Variants in FKBP9 observed in about 807,000 individuals in gnomAD.
The protein encoded by FKBP9 is peptidyl-prolyl cis-trans isomerase FKBP9.
In FKBP9, 27 loss-of-function variants were observed where a neutral mutation model predicts 55.6. The observed-to-expected ratio is 0.49, with a 90% CI of 0.36 to 0.67. FKBP9 has a LOEUF of 0.67. FKBP9 is among the 30% of genes least tolerant of loss of function. FKBP9 has a pLI of 0.00. For missense variants in FKBP9, 539 were observed against 742.8 expected (o/e 0.73, Z 3.19); for synonymous variants, 267 against 296.5 (o/e 0.90, Z 1.02).
At chr7:32,999,291 G>T (rs909756581) in intron 7 of FKBP9, among the ~76,000 whole-genome samples, 4 of 152,098 alleles carry the variant, frequency 2.6e-5, no homozygotes, top group African/African-American at 9.7e-5. Flanking sequence ...CATCAAGGGG[G>T]GTCAGGGGGC....
intron 3 of FKBP9, among the ~76,000 whole-genome samples, chr7:32,975,709 C>T (rs1260032668): frequency 5.3e-5 from 8 of 151,324 alleles, no homozygotes; most frequent in African/African-American, 9.7e-5. Flanking sequence ...TACAGTGGCA[C>T]GATCTTGGCT....
At chr7:32,998,291 T>A (rs926010121) in intron 7 of FKBP9, among the ~76,000 whole-genome samples, 2 of 152,126 alleles carry the variant, frequency 1.3e-5, no homozygotes, top group African/African-American at 2.4e-5. Context: ...TCACTGCTCC[T>A]GCTGATGTTC....
At chr7:32,996,603 A>G (rs898588651) in intron 7 of FKBP9, among the ~76,000 whole-genome samples, 6 of 108,150 alleles carry the variant, frequency 5.5e-5, no homozygotes, top group African/African-American at 2.0e-4. Flanking sequence ...TATAACTGCT[A>G]TCTTTCCTTC....
chr7:32,972,304 C>T (rs1441061403), intron 1 of FKBP9, among the ~76,000 whole-genome samples: 1 of 152,056 alleles, frequency 6.6e-6, no homozygotes, highest in Non-Finnish European at 1.5e-5. Context: ...ATCTTGCTTT[C>T]TGTTCACTGA....
chr7:32,975,249 A>G lies in FKBP9; in HGVS notation c.435A>G (p.Glu145=), dbSNP rs776391325. The G allele has an allele frequency of 1.9e-6, 3 of 1,613,848 alleles. No individual in the cohort carries two copies. In the South Asian group the frequency reaches 3.3e-5, roughly 18 times the overall value. ...DVLLMDIWNS[E]DQVQIHTYFK... is the part of the protein sequence containing the mutation. Reference sequence around the variant, plus strand: ...TTCTGATGGATATTTGGAATTCTGAAGACCAGGTTCAGATTCACACCTATT... The same window carrying G: ...TTCTGATGGATATTTGGAATTCTGAGGACCAGGTTCAGATTCACACCTATT... Residue 145 remains glutamate (E), a synonymous_variant, in exon 3 of 10, where the codon GAA becomes GAG. Coordinates refer to ENST00000242209, the MANE Select transcript of FKBP9 (RefSeq NM_007270.5).
chr7:32,983,816 T>C (rs1455507504), intron 5 of FKBP9, among the ~76,000 whole-genome samples: 4 of 152,230 alleles, frequency 2.6e-5, no homozygotes, highest in Admixed American at 6.5e-5. Context: ...GCTATTGGGA[T>C]TGAAATTCCT....
intron 1 of FKBP9, among the ~76,000 whole-genome samples, chr7:32,966,755 T>C (rs1451178943): frequency 1.3e-5 from 2 of 152,014 alleles, no homozygotes; most frequent in Admixed American, 6.6e-5. Flanking sequence ...AGGAGATTTA[T>C]AGTCATGGTG....
At position 33,006,076 on chromosome 7, in the gene FKBP9, T is replaced by C. The variant is rs1468970516; in HGVS notation, c.*725T>C. On this transcript the variant is annotated 3_prime_UTR_variant, in exon 10 of 10. Transcript: ENST00000242209. ...CTCATTTGCCACATAAGTCATCTGC[T>C]TAGCTTTTCCTTTCCTTTTTTTTTT... 1 of 225,736 alleles carries C rather than the reference T, an allele frequency of 4.4e-6. No individual in the cohort carries two copies. The highest frequency in any genetic ancestry group is 6.3e-5 in the East Asian group (1 of 15,894). The allele number at this position is 225,736 out of a possible 1,614,324, so 14.0% of individuals were successfully genotyped here. A position where few individuals can be genotyped will look rare whatever the true frequency, so the allele number is the denominator to read the frequency against.
chr7:33,005,125 G>A, intron 9 of FKBP9, 50 bp from the exon 10 acceptor site: 2 of 1,591,506 alleles, frequency 1.3e-6, no homozygotes, highest in Non-Finnish European at 1.7e-6. Context: ...CCCAGGCCTG[G>A]CGTTCATGGC....
chr7:32,984,077 C>T (rs1389615952), intron 5 of FKBP9, among the ~76,000 whole-genome samples: 1 of 152,116 alleles, frequency 6.6e-6, no homozygotes, highest in East Asian at 1.9e-4. Context: ...ATACATTAGA[C>T]TTCCTCATTA....
At chr7:32,970,057 CA>C (rs200299666) in intron 1 of FKBP9, among the ~76,000 whole-genome samples, 2 of 150,498 alleles carry the variant, frequency 1.3e-5, no homozygotes, top group African/African-American at 4.9e-5. Flanking sequence ...TCTATTTCTG[CA>C]AAAAATGCCA....
chr7:32,959,230 C>G (rs1269725722), intron 1 of FKBP9, among the ~76,000 whole-genome samples: 1 of 151,640 alleles, frequency 6.6e-6, no homozygotes, highest in East Asian at 1.9e-4. Flanking sequence ...ACGGTGAAAC[C>G]CGGTCTCTAC....
rs1785017577 is a variant in FKBP9, at chr7:33,005,414, G to A, written c.*63G>A. On this transcript the variant is annotated 3_prime_UTR_variant, in exon 10 of 10. Coordinates refer to ENST00000242209, the MANE Select transcript of FKBP9 (RefSeq NM_007270.5). ...CACCAAGCCACCTGTGTGGCAAGAC[G>A]TGCAGTGAGGGTGCAAGGGTCTCTC... The A allele has an allele frequency of 2.0e-5, 31 of 1,580,058 alleles. No homozygotes were observed. Among genetic ancestry groups the A allele is most frequent in the Non-Finnish European group, 2.3e-5 (27 of 1,156,792 alleles).
chr7:32,959,066 C>T (rs748257550), intron 1 of FKBP9, among the ~76,000 whole-genome samples: 3 of 151,054 alleles, frequency 2.0e-5, no homozygotes, highest in African/African-American at 7.4e-5. Flanking sequence ...CACTAGCAAG[C>T]GCTTAGAAAT....
chr7:32,982,271 G>T (rs545454489), intron 5 of FKBP9, among the ~76,000 whole-genome samples: 5 of 152,006 alleles, frequency 3.3e-5, no homozygotes, highest in Non-Finnish European at 7.4e-5. Flanking sequence ...TCCACCCAAC[G>T]CAGCCTCCCA....
intron 1 of FKBP9, among the ~76,000 whole-genome samples, chr7:32,970,006 AG>A (rs1241144378): frequency 8.6e-5 from 13 of 152,008 alleles, no homozygotes; most frequent in East Asian, 3.9e-4. Context: ...TCTCAAAAAA[AG>A]AAAAAAATTC....
At chr7:33,001,968 A>G (rs1784943716) in intron 8 of FKBP9, 1 of 152,214 alleles carries the variant, frequency 6.6e-6, no homozygotes, top group Non-Finnish European at 1.5e-5. Context: ...TCAACACATC[A>G]CAAATTTGCT....
At chr7:32,978,395 G>T (rs529666543) in intron 4 of FKBP9, among the ~76,000 whole-genome samples, 3 of 151,882 alleles carry the variant, frequency 2.0e-5, no homozygotes, top group Admixed American at 6.6e-5. Context: ...TAGAGACAGG[G>T]TCTCACTCTG....
chr7:32,982,939 G>A (rs982987812), intron 5 of FKBP9, among the ~76,000 whole-genome samples: 5 of 151,306 alleles, frequency 3.3e-5, no homozygotes, highest in African/African-American at 1.2e-4. Flanking sequence ...ATGATTAATT[G>A]TTTCCCTGGG....
Sources: gnomAD v4.1 joint callset for allele counts (sites outside exome capture counted in the v4.1 genomes callset) on GRCh38, gnomAD v4.1.1 for gene constraint, MANE v1.5 for transcripts, NCBI Gene and HGNC (gene_info 2026-07-23, HGNC 2026-07-21) for gene names.